The following DAB2 variants were observed in gnomAD, a reference collection of about 807,000 sequenced individuals.
The protein encoded by DAB2 is DAB adaptor protein 2, also known as disabled homolog 2.
DAB2 carries 28 observed loss-of-function variants against 71.6 expected under a neutral mutation model. The ratio of observed to expected loss-of-function variants is 0.39; its 90% CI spans 0.29 to 0.54. The LOEUF (loss-of-function observed/expected upper bound fraction) is 0.54, where lower values mean the gene tolerates loss of function less well. DAB2 is among the 20% of genes least tolerant of loss of function. DAB2 has a pLI of 0.68. For missense variants in DAB2, 867 were observed against 928.8 expected (o/e 0.93, Z 0.86); for synonymous variants, 345 against 339.7 (o/e 1.02, Z -0.17).
At chr5:39,399,326 C>T (rs1357834773) in intron 1 of DAB2, among the ~76,000 whole-genome samples, 1 of 152,220 alleles carries the variant, frequency 6.6e-6, no homozygotes, top group African/African-American at 2.4e-5. Flanking sequence ...AAAAGGCTCA[C>T]AAGCACAGTT....
At chr5:39,399,337 C>A (rs1301958080) in intron 1 of DAB2, among the ~76,000 whole-genome samples, 3 of 152,186 alleles carry the variant, frequency 2.0e-5, no homozygotes, top group Non-Finnish European at 4.4e-5. Context: ...AAGCACAGTT[C>A]CCCATCTAAA....
At chr5:39,392,575 C>T (rs948280158) in intron 3 of DAB2, 112 bp from the exon 4 acceptor site, 28 of 741,466 alleles carry the variant, frequency 3.8e-5, no homozygotes, top group Non-Finnish European at 5.5e-5. Context: ...GATCTGCCAT[C>T]GATGAGAGGA....
intron 2 of DAB2, 61 bp downstream of exon 2, chr5:39,394,169 A>G (rs559975517): frequency 3.7e-6 from 5 of 1,362,322 alleles, no homozygotes; most frequent in Non-Finnish European, 5.2e-6. Flanking sequence ...TGAATCTCAC[A>G]TTTCTCCAGG....
intron 13 of DAB2, 135 bp downstream of exon 13, chr5:39,375,862 G>C: frequency 1.4e-6 from 1 of 697,450 alleles, no homozygotes; most frequent in Non-Finnish European, 2.4e-6. Context: ...CTCCAGCCTG[G>C]CCGACAGAGC....
chr5:39,393,257 T>C lies in DAB2; in HGVS notation c.228A>G (p.Leu76=). 1 of 1,613,836 alleles carries C rather than the reference T, an allele frequency of 6.2e-7. No homozygotes were observed. Among genetic ancestry groups the C allele is most frequent in the African/African-American group, 1.3e-5 (1 of 75,054 alleles). ...AAAGCATTCATTTCCCTTTTACCTTTAGTTTCATCATAGAGTCTTGGCTCA... is the reference window on the plus strand; with the variant it reads ...AAAGCATTCATTTCCCTTTTACCTTCAGTTTCATCATAGAGTCTTGGCTCA... ...DKMSQDSMMK[L]KGMAAAGRSQ... is the part of the protein sequence containing the mutation. Residue 76 remains leucine (L), a synonymous_variant, in exon 3 of 15, where the codon CTA becomes CTG. Coordinates refer to ENST00000320816, the MANE Select transcript of DAB2 (RefSeq NM_001343.4).
At chr5:39,419,513 G>T (rs1199508733) in intron 1 of DAB2, among the ~76,000 whole-genome samples, 2 of 152,192 alleles carry the variant, frequency 1.3e-5, no homozygotes, top group African/African-American at 4.8e-5. Context: ...GGAGAAAGGA[G>T]CAGTGCTTCG....
intron 11 of DAB2, among the ~76,000 whole-genome samples, chr5:39,378,463 A>G (rs1293306579): frequency 6.6e-6 from 1 of 152,216 alleles, no homozygotes; most frequent in Admixed American, 6.5e-5. Context: ...AGGGACGTTT[A>G]TGTTTCCAAG....
In DAB2 at chr5:39,371,919, TA is replaced by T. The variant is rs1754708818; in HGVS notation, c.*1511del. On this transcript the variant is annotated 3_prime_UTR_variant, in exon 15 of 15. Transcript: ENST00000320816. ...GAAGCTGATAGAAAATTATGCCATA[TA>T]TGATCAACTATTACCATTAAACATA... The T allele has an allele frequency of 6.6e-6, 1 of 152,204 alleles. No homozygotes were observed. The highest frequency in any genetic ancestry group is 1.9e-4 in the East Asian group (1 of 5,198). 9.4% of individuals were successfully genotyped at this position (152,204 alleles called of 1,614,324 possible).
At chr5:39,394,721 A>G (rs181123631) in intron 1 of DAB2, among the ~76,000 whole-genome samples, 1 of 151,060 alleles carries the variant, frequency 6.6e-6, no homozygotes, top group Non-Finnish European at 1.5e-5. Flanking sequence ...AAAAGCAAGT[A>G]TTAAAGATAG....
intron 5 of DAB2, 148 bp from the exon 6 acceptor site, chr5:39,390,080 A>T: frequency 1.6e-6 from 1 of 634,100 alleles, no homozygotes; most frequent in Non-Finnish European, 2.7e-6. Flanking sequence ...GATCACCACC[A>T]ACCCAATCCT....
chr5:39,373,801 C>T (rs1343543854), intron 14 of DAB2, among the ~76,000 whole-genome samples: 1 of 152,134 alleles, frequency 6.6e-6, no homozygotes, highest in East Asian at 1.9e-4. Flanking sequence ...GGGTATATCT[C>T]CCCTTGAATG....
At chr5:39,420,169 G>A (rs1579930667) in intron 1 of DAB2, among the ~76,000 whole-genome samples, 1 of 152,190 alleles carries the variant, frequency 6.6e-6, no homozygotes, top group Non-Finnish European at 1.5e-5. Context: ...CCCTCAAGCT[G>A]TGAAATACAC....
At chr5:39,401,484 T>G (rs989702173) in intron 1 of DAB2, among the ~76,000 whole-genome samples, 2 of 152,178 alleles carry the variant, frequency 1.3e-5, no homozygotes, top group African/African-American at 4.8e-5. Context: ...GCATAGCAGC[T>G]AATAGCTCAG....
intron 14 of DAB2, 29 bp downstream of exon 14, chr5:39,374,985 A>G (rs1291954657): frequency 9.6e-6 from 14 of 1,450,820 alleles, no homozygotes; most frequent in Non-Finnish European, 1.4e-5. Flanking sequence ...AAAACCCCTG[A>G]GACAGGCTTA....
intron 10 of DAB2, among the ~76,000 whole-genome samples, chr5:39,382,043 T>C (rs953516007): frequency 6.6e-6 from 1 of 152,214 alleles, no homozygotes; most frequent in African/African-American, 2.4e-5. Flanking sequence ...CAAGCCTGTA[T>C]ATTCTTAGGA....
At chr5:39,416,053 C>T (rs1485782492) in intron 1 of DAB2, among the ~76,000 whole-genome samples, 1 of 151,800 alleles carries the variant, frequency 6.6e-6, no homozygotes, top group Non-Finnish European at 1.5e-5. Context: ...CCTCCCTCCC[C>T]ATCATATTTT....
At chr5:39,410,577 T>G (rs1316093264) in intron 1 of DAB2, among the ~76,000 whole-genome samples, 2 of 152,152 alleles carry the variant, frequency 1.3e-5, no homozygotes, top group East Asian at 3.8e-4. Context: ...TTAACTTATT[T>G]GACATGAAAA....
At chr5:39,406,084 T>G (rs921091790) in intron 1 of DAB2, among the ~76,000 whole-genome samples, 3 of 152,172 alleles carry the variant, frequency 2.0e-5, no homozygotes, top group African/African-American at 7.2e-5. Context: ...TGAACAAGTC[T>G]ATAGAGTAAG....
Position 39,389,920 on chromosome 5 carries a change from C to A in DAB2, c.475G>T (p.Val159Phe). ...TGAAAAAGGTCTTTAAGATCAACAA[C>A]TAATGGTTCAGCCTGCAGTAAGGGA... ...IKTGQQAEPL[V>F]VDLKDLFQVI... Residue 159 changes from valine to phenylalanine, a missense_variant, in exon 6 of 15, where the codon GTT (valine) becomes TTT (phenylalanine). Physicochemically the swap from Val to Phe is conservative, Grantham distance 50. Transcript: ENST00000320816. 1 of 1,593,706 alleles carries A rather than the reference C, an allele frequency of 6.3e-7. No homozygotes were observed. Among genetic ancestry groups the A allele is most frequent in the Non-Finnish European group, 8.6e-7 (1 of 1,168,746 alleles).
Sources: allele counts gnomAD v4.1 joint callset (sites outside exome capture counted in the v4.1 genomes callset), GRCh38; gene constraint gnomAD v4.1.1; transcripts MANE v1.5; gene names NCBI Gene and HGNC (gene_info 2026-07-23, HGNC 2026-07-21).